Variants in PIWIL1 observed in about 807,000 individuals in gnomAD.
PIWIL1 encodes the protein piwi-like protein 1.
A neutral mutation model predicts 114.4 loss-of-function variants in PIWIL1; 73 were observed. The observed-to-expected ratio is 0.64, with a 90% confidence interval of 0.53 to 0.78. The LOEUF is 0.78. Among genes scored for constraint, PIWIL1 ranks in the 30% least tolerant of loss-of-function variants. The pLI is 0.00. For synonymous variants in PIWIL1, 375 were observed against 369.0 expected (o/e 1.02, Z -0.19); for missense variants, 723 against 1,063.1 (o/e 0.68, Z 4.45).
At chr12:130,343,359 C>T (rs2072978082) in intron 3 of PIWIL1, among the ~76,000 whole-genome samples, 1 of 152,124 alleles carries the variant, frequency 6.6e-6, no homozygotes, top group Non-Finnish European at 1.5e-5. Context: ...TGGAACAGTT[C>T]CCTATCTGTA....
chr12:130,412,246 GC>G, the PIWIL1 span, among the ~76,000 whole-genome samples: 2 of 152,094 alleles, frequency 1.3e-5, no homozygotes, highest in African/African-American at 2.4e-5. Context: ...AGGCATAGCG[GC>G]CCCCCAACCA....
Position 130,346,478 on chromosome 12 carries a change from C to A in PIWIL1, c.425C>A (p.Ala142Asp), listed in dbSNP as rs2073071521. Residue 142 changes from alanine to aspartate, a missense_variant, in exon 5 of 21, where the codon GCC becomes GAC. By Grantham distance (126) the Ala-to-Asp change is moderately radical. Coordinates refer to ENST00000245255, the MANE Select transcript of PIWIL1 (RefSeq NM_004764.5). ...YHIDYNPLME[A>D]RRLRSALLFQ... Reference sequence around the variant, plus strand: ...ATTGACTATAACCCACTGATGGAAGCCAGAAGACTCCGTTCAGCTCTTCTT... The same window carrying A: ...ATTGACTATAACCCACTGATGGAAGACAGAAGACTCCGTTCAGCTCTTCTT... 8 of 1,613,432 alleles carry A rather than the reference C, an allele frequency of 5.0e-6. No individual in the cohort carries two copies. The East Asian group carries it at 1.8e-4, about 36-fold the overall frequency.
Position 130,371,720 on chromosome 12 carries a change from A to G in PIWIL1, c.*122A>G, listed in dbSNP as rs2073821163. The G allele has an allele frequency of 5.4e-6, 3 of 558,282 alleles. No homozygotes were observed. The highest frequency in any genetic ancestry group is 6.3e-6 in the Non-Finnish European group (2 of 317,100). The allele number at this position is 558,282 out of a possible 1,614,324, so 34.6% of individuals were successfully genotyped here. On this transcript the variant is annotated 3_prime_UTR_variant, in exon 21 of 21. Coordinates refer to ENST00000245255, the MANE Select transcript of PIWIL1 (RefSeq NM_004764.5). ...TGAAACTTGGGAAGGGGATTAGGAG[A>G]TCTAGCATTTTATTTCTAGCATTGC...
intron 1 of PIWIL1, among the ~76,000 whole-genome samples, chr12:130,339,198 G>A (rs1397514465): frequency 6.6e-6 from 1 of 152,206 alleles, no homozygotes; most frequent in South Asian, 2.1e-4. Flanking sequence ...GGCTCTGCGA[G>A]GCCCGGGGGT....
chr12:130,397,462 A>G, the PIWIL1 span: 3 of 398,848 alleles, frequency 7.5e-6, no homozygotes, highest in Non-Finnish European at 8.8e-6. Flanking sequence ...GGACTACCAG[A>G]ACCCATAGAT....
At chr12:130,392,278 G>A in the PIWIL1 span, among the ~76,000 whole-genome samples, 1 of 147,340 alleles carries the variant, frequency 6.8e-6, no homozygotes, top group Non-Finnish European at 1.5e-5. Context: ...GTTACCTGGT[G>A]AATATTGAAC....
At chr12:130,424,374 C>T in the PIWIL1 span, 84 of 1,232,752 alleles carry the variant, frequency 6.8e-5, no homozygotes, top group East Asian at 9.5e-5. The surrounding 1 kb of genome is among the most constrained non-coding windows in gnomAD (Gnocchi z 9.8). Context: ...GCTGCTCTGC[C>T]GGGTCAGCGT....
the PIWIL1 span, chr12:130,413,979 G>T: frequency 1.2e-6 from 1 of 866,884 alleles, no homozygotes; most frequent in Non-Finnish European, 1.8e-6. Context: ...TGCCGTCACA[G>T]CACCATGCCA....
chr12:130,371,278 A>G lies in PIWIL1; in HGVS notation c.2424A>G (p.Ile808Met). ...ACAGCGGCCTGAAGCCAGACCACAT[A>G]CAGCGCTTGACCTACAAGCTGTGCC... The part of the protein sequence containing the change: ...YDNSGLKPDH[I>M]QRLTYKLCHI... Residue 808 changes from isoleucine (I) to methionine (M), a missense_variant, in exon 20 of 21, where the codon ATA becomes ATG. Around this residue, in one of 8 missense-constraint regions of PIWIL1, gnomAD observed 106 missense variants for 182.8 expected, o/e 0.58. Transcript: ENST00000245255. The G allele has an allele frequency of 6.2e-7, 1 of 1,614,212 alleles. No homozygotes were observed. Among genetic ancestry groups the G allele is most frequent in the Non-Finnish European group, 8.5e-7 (1 of 1,180,028 alleles).
intron 1 of PIWIL1, chr12:130,339,491 G>C (rs1341331319): frequency 6.6e-6 from 1 of 152,268 alleles, no homozygotes; most frequent in African/African-American, 2.4e-5. Context: ...GCTCAGCGCC[G>C]GAGGGACGTT....
intron 1 of PIWIL1, among the ~76,000 whole-genome samples, chr12:130,340,024 G>T (rs1207307395): frequency 6.6e-6 from 1 of 152,216 alleles, no homozygotes; most frequent in African/African-American, 2.4e-5. Context: ...TCGCAGCCTA[G>T]TTGGAGAAGC....
At position 130,371,467 on chromosome 12, in the gene PIWIL1, T is replaced by A; in HGVS notation, c.2470-15T>A. 3.7e-6 allele frequency: 6 copies of A among 1,612,918 alleles called. No individual in the cohort carries two copies. Among genetic ancestry groups the A allele is most frequent in the Non-Finnish European group, 5.1e-6 (6 of 1,178,968 alleles). Reference sequence around the variant, plus strand: ...AAGTCTAGAGTAATAGAACCTTTTTTTCCTTCCACTAAAGGGTGTCATTCG... The same window carrying A: ...AAGTCTAGAGTAATAGAACCTTTTTATCCTTCCACTAAAGGGTGTCATTCG... On this transcript the variant is annotated splice_polypyrimidine_tract_variant and intron_variant, in intron 20 of 20. Transcript: ENST00000245255.
chr12:130,384,262 A>G, the PIWIL1 span, among the ~76,000 whole-genome samples: 2 of 152,198 alleles, frequency 1.3e-5, no homozygotes, highest in African/African-American at 4.8e-5. Context: ...TGAAATGGCC[A>G]TTTCCATTAT....
At position 130,355,599 on chromosome 12, in the gene PIWIL1, G is replaced by A; in HGVS notation, c.1336G>A (p.Asp446Asn). Residue 446 changes from aspartate (D) to asparagine (N), a missense_variant, in exon 12 of 21, where the codon GAT becomes AAT. Asp to Asn is a conservative substitution (Grantham distance 23). Around this residue, in one of 8 missense-constraint regions of PIWIL1, gnomAD observed 298 missense variants for 420.8 expected, o/e 0.71. Transcript: ENST00000245255. ...GCTTCGAGACTGGGGTTTGAGCTTTGATTCCAACTTACTGTCCTTCTCAGG... is the reference window on the plus strand; with the variant it reads ...GCTTCGAGACTGGGGTTTGAGCTTTAATTCCAACTTACTGTCCTTCTCAGG... ...RELRDWGLSF[D>N]SNLLSFSGRI... The A allele has an allele frequency of 6.2e-7, 1 of 1,614,222 alleles. No homozygotes were observed. Among genetic ancestry groups the A allele is most frequent in the Non-Finnish European group, 8.5e-7 (1 of 1,180,014 alleles).
the PIWIL1 span, among the ~76,000 whole-genome samples, chr12:130,378,831 T>C: frequency 0.06 from 9,063 of 152,304 alleles, 911 homozygotes; most frequent in African/African-American, 0.21. Flanking sequence ...AAAAGTTGTT[T>C]ATGTATTCTG....
In PIWIL1 at chr12:130,361,223, C is replaced by G; in HGVS notation, c.1709C>G (p.Ala570Gly). ...LSSNRKDKYD[A>G]IKKYLCTDCP... The stretch of plus-strand genomic sequence containing the variant: ...AGTAATCGGAAGGACAAATACGATG[C>G]TATTAAAAAATACCTGTGTACAGAT... Residue 570 changes from alanine to glycine, a missense_variant, in exon 15 of 21, where the codon GCT becomes GGT. Ala to Gly is a moderately conservative substitution (Grantham distance 60, BLOSUM62 0). Coordinates refer to ENST00000245255, the MANE Select transcript of PIWIL1 (RefSeq NM_004764.5). 6.2e-7 allele frequency: 1 copy of G among 1,614,114 alleles called. No individual in the cohort carries two copies. The highest frequency in any genetic ancestry group is 8.5e-7 in the Non-Finnish European group (1 of 1,180,016).
At chr12:130,354,455 T>A (rs1041042351) in intron 9 of PIWIL1, 82 bp from the exon 10 acceptor site, 73 of 1,563,718 alleles carry the variant, frequency 4.7e-5, no homozygotes, top group South Asian at 1.7e-4. Context: ...TTTATTTTTT[T>A]AAAAAATGAA....
At chr12:130,365,443 T>C (rs1565955111) in intron 18 of PIWIL1, among the ~76,000 whole-genome samples, 1 of 152,214 alleles carries the variant, frequency 6.6e-6, no homozygotes. Flanking sequence ...ACCTTCAAGT[T>C]GTACATAAAG....
At chr12:130,414,134 C>A in the PIWIL1 span, 3 of 1,614,170 alleles carry the variant, frequency 1.9e-6, no homozygotes, top group Non-Finnish European at 2.5e-6. Flanking sequence ...CCTTGATGAT[C>A]TGGCCTTCTT....
Sources: gnomAD v4.1 joint callset for allele counts (sites outside exome capture counted in the v4.1 genomes callset) on GRCh38, gnomAD v4.1.1 for gene constraint, gnomAD v4.1.1 regional missense constraint, Gnocchi (gnomAD v3.1) non-coding constraint, MANE v1.5 for transcripts, NCBI Gene and HGNC (gene_info 2026-07-23, HGNC 2026-07-21) for gene names.